SV2C: variants seen among roughly 807,000 people sequenced by gnomAD.
SV2C encodes solute carrier family 22 member B3.
A neutral mutation model predicts 79.7 loss-of-function variants in SV2C; 49 were observed. The observed-to-expected ratio is 0.61, with a 90% confidence interval of 0.49 to 0.78. The LOEUF is 0.78. Among genes scored for constraint, SV2C ranks in the 30% least tolerant of loss-of-function variants. SV2C has a pLI of 0.00. For missense variants in SV2C, 833 were observed against 912.9 expected (o/e 0.91, Z 1.13); for synonymous variants, 334 against 333.2 (o/e 1.00, Z -0.03).
At chr5:75,902,245 A>G in the SV2C span, among the ~76,000 whole-genome samples, 6 of 152,262 alleles carry the variant, frequency 3.9e-5, no homozygotes, top group Non-Finnish European at 4.4e-5. Context: ...TCACACCTGG[A>G]TAGTTCTTAA....
chr5:76,288,023 T>G (rs1747409677), intron 6 of SV2C, among the ~76,000 whole-genome samples: 1 of 149,940 alleles, frequency 6.7e-6, no homozygotes. Context: ...AGGCGGAGAT[T>G]GCAGTGAGCC....
At chr5:76,086,015 AAAG>A (rs1747184127) in intron 1 of SV2C, among the ~76,000 whole-genome samples, 1 of 152,190 alleles carries the variant, frequency 6.6e-6, no homozygotes, top group African/African-American at 2.4e-5. Flanking sequence ...AGAAGGAAAA[AAAG>A]AAGCTCTGGA....
At chr5:75,901,498 G>T in the SV2C span, among the ~76,000 whole-genome samples, 5 of 152,154 alleles carry the variant, frequency 3.3e-5, no homozygotes, top group Admixed American at 6.5e-5. Context: ...TGCCCCTACT[G>T]GGGGGTGCCT....
At chr5:76,276,644 T>C (rs1240907364) in intron 4 of SV2C, among the ~76,000 whole-genome samples, 6 of 151,686 alleles carry the variant, frequency 4.0e-5, no homozygotes, top group Admixed American at 3.9e-4. Context: ...TTTTCTTTTT[T>C]TTTTTTTTTT....
At chr5:75,943,178 G>C in the SV2C span, among the ~76,000 whole-genome samples, 1 of 152,154 alleles carries the variant, frequency 6.6e-6, no homozygotes, top group African/African-American at 2.4e-5. Flanking sequence ...CAGGAACAGG[G>C]TCTAACTAAT....
chr5:76,155,427 G>C lies in SV2C; in HGVS notation c.580+23097G>C, dbSNP rs151326341. Among the ~76,000 whole-genome samples, 88 of 152,266 alleles carry C rather than the reference G, an allele frequency of 5.8e-4. 1 individual carries two copies. Among genetic ancestry groups the C allele is most frequent in the African/African-American group, 2.0e-3 (85 of 41,560 alleles). On this transcript the variant is annotated intron_variant, in intron 2 of 12. Transcript: ENST00000502798. ...GAGATGGAAACTTCACTCTAGACTGGTGCAACCAAGAATGCAGAGCTCCTT... is the reference window on the plus strand; with the variant it reads ...GAGATGGAAACTTCACTCTAGACTGCTGCAACCAAGAATGCAGAGCTCCTT...
chr5:75,881,626 GT>G, the SV2C span, among the ~76,000 whole-genome samples: 1 of 152,092 alleles, frequency 6.6e-6, no homozygotes, highest in Admixed American at 6.5e-5. Context: ...AAGAATGCTT[GT>G]GATTTTCGTA....
intron 2 of SV2C, among the ~76,000 whole-genome samples, chr5:76,176,593 T>G (rs1743537038): frequency 6.6e-6 from 1 of 152,172 alleles, no homozygotes; most frequent in South Asian, 2.1e-4. Context: ...CCCCTACTTT[T>G]AAAATCTATT....
chr5:75,949,650 T>C, the SV2C span, among the ~76,000 whole-genome samples: 4 of 152,000 alleles, frequency 2.6e-5, no homozygotes, highest in African/African-American at 9.7e-5. Flanking sequence ...TTTGCCTCTT[T>C]CTTGGCTCTC....
chr5:75,911,881 G>T, the SV2C span: 3 of 522,430 alleles, frequency 5.7e-6, no homozygotes, highest in Non-Finnish European at 1.2e-5. Context: ...AAGAGAAACT[G>T]CCAAGACTCC....
the SV2C span, among the ~76,000 whole-genome samples, chr5:75,939,076 A>C: frequency 6.6e-6 from 1 of 152,178 alleles, no homozygotes; most frequent in African/African-American, 2.4e-5. Context: ...ATGAAGTGCA[A>C]AATCATACTT....
chr5:76,225,662 C>T (rs975164689), intron 4 of SV2C, among the ~76,000 whole-genome samples: 7 of 152,054 alleles, frequency 4.6e-5, no homozygotes, highest in Non-Finnish European at 7.4e-5. Context: ...TTATGTATTC[C>T]GTGCCCAGTC....
At chr5:76,220,572 C>A (rs1745037902) in intron 4 of SV2C, among the ~76,000 whole-genome samples, 1 of 140,402 alleles carries the variant, frequency 7.1e-6, no homozygotes, top group African/African-American at 2.7e-5. Flanking sequence ...CTTGTGAGGC[C>A]AAGGCACCAG....
chr5:75,993,579 A>G, the SV2C span, among the ~76,000 whole-genome samples: 9 of 152,068 alleles, frequency 5.9e-5, no homozygotes, highest in African/African-American at 2.2e-4. Flanking sequence ...CACTGCACTT[A>G]AGAAGGCACG....
chr5:76,127,342 CTG>C (rs1237860307), intron 1 of SV2C, among the ~76,000 whole-genome samples: 2 of 152,284 alleles, frequency 1.3e-5, no homozygotes, highest in South Asian at 2.1e-4. Flanking sequence ...AGAAGAAAAA[CTG>C]TGTTTTGCCA....
chr5:76,022,750 T>A, the SV2C span, among the ~76,000 whole-genome samples: 1 of 152,250 alleles, frequency 6.6e-6, no homozygotes, highest in African/African-American at 2.4e-5. Context: ...AAATAATGCA[T>A]TAATTTAGAA....
At chr5:75,995,217 C>T in the SV2C span, among the ~76,000 whole-genome samples, 1 of 152,056 alleles carries the variant, frequency 6.6e-6, no homozygotes, top group African/African-American at 2.4e-5. Flanking sequence ...TACTTAGAAA[C>T]AATATTGACC....
chr5:76,195,621 A>G (rs1315482534), intron 3 of SV2C, among the ~76,000 whole-genome samples: 1 of 152,170 alleles, frequency 6.6e-6, no homozygotes, highest in Non-Finnish European at 1.5e-5. Flanking sequence ...AAGTTGTGCT[A>G]TTACCCAAAT....
chr5:76,199,264 G>A (rs890805035), intron 3 of SV2C, among the ~76,000 whole-genome samples: 1 of 152,054 alleles, frequency 6.6e-6, no homozygotes, highest in Non-Finnish European at 1.5e-5. Flanking sequence ...AACCATATCT[G>A]GTCCAGTTTT....
Sources: allele counts gnomAD v4.1 joint callset (sites outside exome capture counted in the v4.1 genomes callset), GRCh38; gene constraint gnomAD v4.1.1; transcripts MANE v1.5; gene names NCBI Gene and HGNC (gene_info 2026-07-23, HGNC 2026-07-21).